RBFOX2: variants seen among roughly 807,000 people sequenced by gnomAD.
RBFOX2 encodes the protein RNA binding fox-1 homolog 2.
Under a neutral mutation model 49.1 loss-of-function variants are expected in RBFOX2, and 10 were observed. The observed-to-expected ratio is 0.20, with a 90% CI of 0.13 to 0.35. The LOEUF (loss-of-function observed/expected upper bound fraction) is 0.35. RBFOX2 is among the 10% of genes least tolerant of loss of function. The pLI is 1.00. For missense variants in RBFOX2, 323 were observed against 486.9 expected (o/e 0.66, Z 3.17); for synonymous variants, 183 against 187.4 (o/e 0.98, Z 0.19).
At chr22:36,027,266 T>A (rs2059475082) in intron 1 of RBFOX2, among the ~76,000 whole-genome samples, 1 of 152,134 alleles carries the variant, frequency 6.6e-6, no homozygotes, top group Non-Finnish European at 1.5e-5. Flanking sequence ...CCTCCTAGCA[T>A]CCCTCTAACA....
chr22:35,751,899 A>G (rs896381811), intron 9 of RBFOX2, among the ~76,000 whole-genome samples: 3 of 152,228 alleles, frequency 2.0e-5, no homozygotes. Flanking sequence ...CATCTCCCCA[A>G]ATTAGTTCAT....
chr22:35,897,579 G>A (rs2048015538), intron 1 of RBFOX2: 1 of 961,566 alleles, frequency 1.0e-6, no homozygotes, highest in Non-Finnish European at 1.7e-6. Context: ...ACTTCACCAG[G>A]TCAAAGAGGA....
At chr22:35,964,135 T>C (rs1158819663), upstream of RBFOX2, among the ~76,000 whole-genome samples, 5 of 152,200 alleles carry the variant, frequency 3.3e-5, no homozygotes, top group Non-Finnish European at 7.3e-5. Flanking sequence ...TTATTTCATT[T>C]TTTTTAAAAA....
intron 1 of RBFOX2, among the ~76,000 whole-genome samples, chr22:35,976,840 T>G (rs977986889): frequency 4.0e-5 from 6 of 151,822 alleles, no homozygotes; most frequent in African/African-American, 1.5e-4. Context: ...GGCGTGTGCC[T>G]GTAATCCCAG....
chr22:35,894,962 T>G (rs574112869), intron 1 of RBFOX2, among the ~76,000 whole-genome samples: 1 of 149,518 alleles, frequency 6.7e-6, no homozygotes, highest in Admixed American at 6.8e-5. Context: ...CCAAAATCAC[T>G]TGAGTTAAAA....
chr22:35,936,586 G>A (rs1248138031), intron 1 of RBFOX2, among the ~76,000 whole-genome samples: 2 of 152,106 alleles, frequency 1.3e-5, no homozygotes, highest in Non-Finnish European at 2.9e-5. Flanking sequence ...ACAAATTAAA[G>A]CCCAAGAAAA....
chr22:35,865,696 C>A (rs2043597210), intron 1 of RBFOX2, among the ~76,000 whole-genome samples: 3 of 152,060 alleles, frequency 2.0e-5, no homozygotes, highest in Admixed American at 2.0e-4. Context: ...CATTTAGCTG[C>A]AAATAGATGA....
At chr22:35,773,110 T>C (rs145510300) in intron 4 of RBFOX2, among the ~76,000 whole-genome samples, 130 of 150,966 alleles carry the variant, frequency 8.6e-4, no homozygotes, top group African/African-American at 3.1e-3. Flanking sequence ...GTTTTAAATA[T>C]AATAAAAACC....
chr22:35,905,782 A>T (rs1390347941), intron 1 of RBFOX2, among the ~76,000 whole-genome samples: 1 of 152,082 alleles, frequency 6.6e-6, no homozygotes, highest in Non-Finnish European at 1.5e-5. Flanking sequence ...ATTATGAAAT[A>T]CTCTAATAGA....
intron 1 of RBFOX2, among the ~76,000 whole-genome samples, chr22:36,003,500 A>C (rs2058506501): frequency 6.6e-6 from 1 of 152,222 alleles, no homozygotes; most frequent in Non-Finnish European, 1.5e-5. Flanking sequence ...CCAGCTACAC[A>C]TACCAAGCTG....
intron 1 of RBFOX2, among the ~76,000 whole-genome samples, chr22:35,912,142 T>C (rs2049903608): frequency 6.6e-6 from 1 of 152,176 alleles, no homozygotes; most frequent in Admixed American, 6.5e-5. Flanking sequence ...TGGAACTATT[T>C]GTTGAGGTGA....
chr22:35,935,581 A>C (rs2052965286), intron 1 of RBFOX2, among the ~76,000 whole-genome samples: 1 of 152,240 alleles, frequency 6.6e-6, no homozygotes, highest in Non-Finnish European at 1.5e-5. Context: ...TGGTGCTAAC[A>C]AACTTAGTAG....
intron 1 of RBFOX2, among the ~76,000 whole-genome samples, chr22:35,879,992 C>T (rs575691375): frequency 6.6e-6 from 1 of 152,246 alleles, no homozygotes; most frequent in Non-Finnish European, 1.5e-5. Context: ...CCTGTCTCTA[C>T]TAAAAATACA....
upstream of RBFOX2, among the ~76,000 whole-genome samples, chr22:35,961,958 A>G (rs935651880): frequency 2.6e-5 from 4 of 152,182 alleles, no homozygotes; most frequent in Admixed American, 6.5e-5. Context: ...GCTGAGCATT[A>G]AAAACAACCA....
rs1938190670 is a variant in RBFOX2 at position 35,759,959 on chromosome 22, C to T, written c.816G>A (p.Leu272=). 5 of 1,613,808 alleles carry T rather than the reference C, an allele frequency of 3.1e-6. No homozygotes were observed. Among genetic ancestry groups the T allele is most frequent in the Non-Finnish European group, 3.4e-6 (4 of 1,180,054 alleles). ...CATATACTGTCCGCCCTCTGCCCCT[C>T]AAATGGGCTCCTCTGAAAGCGGCTG... Residue 272 remains leucine (L), a synonymous_variant, in exon 9 of 12, where the codon TTG becomes TTA. Transcript: ENST00000405409. This position sits in a 1 kb window ranked among gnomAD's most constrained non-coding sequence, Gnocchi z 4.6.
At chr22:35,847,759 T>C (rs2041405323) in intron 1 of RBFOX2, among the ~76,000 whole-genome samples, 1 of 152,098 alleles carries the variant, frequency 6.6e-6, no homozygotes, top group African/African-American at 2.4e-5. Context: ...TAATTTCAGA[T>C]AGAATAAACC....
intron 2 of RBFOX2, among the ~76,000 whole-genome samples, chr22:35,796,602 C>T (rs1016614378): frequency 2.6e-5 from 4 of 152,152 alleles, no homozygotes; most frequent in Non-Finnish European, 2.9e-5. Flanking sequence ...ACTGCAATGT[C>T]GAATCTGAAA....
chr22:35,938,545 T>C (rs2053356361), intron 1 of RBFOX2, among the ~76,000 whole-genome samples: 2 of 152,114 alleles, frequency 1.3e-5, no homozygotes, highest in African/African-American at 4.8e-5. Flanking sequence ...TTCAGAATTA[T>C]AAGGCATCAA....
chr22:35,855,355 T>C (rs2042392381), intron 1 of RBFOX2, among the ~76,000 whole-genome samples: 1 of 152,064 alleles, frequency 6.6e-6, no homozygotes, highest in Non-Finnish European at 1.5e-5. Flanking sequence ...ATTCAGAAAA[T>C]AGTCCTTCAT....
Sources: gnomAD v4.1 joint callset for allele counts (sites outside exome capture counted in the v4.1 genomes callset) on GRCh38, gnomAD v4.1.1 for gene constraint, Gnocchi (gnomAD v3.1) non-coding constraint, MANE v1.5 for transcripts, NCBI Gene and HGNC (gene_info 2026-07-23, HGNC 2026-07-21) for gene names.